The following RPGRIP1 variants were observed in gnomAD, a reference collection of about 807,000 sequenced individuals.
RPGRIP1 encodes X-linked retinitis pigmentosa GTPase regulator-interacting protein 1.
Under a neutral mutation model 157.9 loss-of-function variants are expected in RPGRIP1, and 128 were observed. The observed-to-expected ratio is 0.81, with a 90% CI of 0.70 to 0.94. RPGRIP1 has a LOEUF of 0.94. Among genes scored for constraint, RPGRIP1 ranks in the 40% least tolerant of loss-of-function variants. The pLI, the probability that RPGRIP1 is intolerant of heterozygous loss-of-function variation, is 0.00. For synonymous variants in RPGRIP1, 554 were observed against 571.6 expected (o/e 0.97, Z 0.44); for missense variants, 1,486 against 1,545.8 (o/e 0.96, Z 0.65).
intron 1 of RPGRIP1, among the ~76,000 whole-genome samples, chr14:21,282,167 T>G (rs1880155462): frequency 6.6e-6 from 1 of 152,212 alleles, no homozygotes; most frequent in Admixed American, 6.5e-5. Flanking sequence ...CATCTATCAC[T>G]AGTAAAGGGT....
intron 23 of RPGRIP1, among the ~76,000 whole-genome samples, chr14:21,345,561 C>T (rs1425843836): frequency 6.6e-6 from 1 of 151,832 alleles, no homozygotes; most frequent in Non-Finnish European, 1.5e-5. Flanking sequence ...TGCCACCATG[C>T]CTGGCTAATT....
At chr14:21,280,283 G>T (rs144496657) in intron 1 of RPGRIP1, among the ~76,000 whole-genome samples, 124 bp downstream of exon 1, 1 of 125,054 alleles carries the variant, frequency 8.0e-6, no homozygotes, top group African/African-American at 3.0e-5. Flanking sequence ...TTACTCTGTC[G>T]CCCAGGCTGG....
intron 23 of RPGRIP1, among the ~76,000 whole-genome samples, chr14:21,347,502 A>G (rs956078868): frequency 2.0e-5 from 3 of 152,150 alleles, no homozygotes; most frequent in African/African-American, 7.2e-5. Context: ...ATCCCTTTAA[A>G]GTAATTCCTT....
chr14:21,289,924 T>C (rs1345476839), intron 2 of RPGRIP1, among the ~76,000 whole-genome samples: 1 of 152,126 alleles, frequency 6.6e-6, no homozygotes, highest in Non-Finnish European at 1.5e-5. Flanking sequence ...TGGCGTGATC[T>C]CAGCTCACTG....
chr14:21,337,570 T>C (rs1260276101), intron 21 of RPGRIP1, among the ~76,000 whole-genome samples: 1 of 150,082 alleles, frequency 6.7e-6, no homozygotes, highest in Non-Finnish European at 1.5e-5. Flanking sequence ...GGCTCCCGAG[T>C]AGCTGGGACC....
intron 3 of RPGRIP1, among the ~76,000 whole-genome samples, chr14:21,300,115 G>A (rs182204937): frequency 1.5e-4 from 23 of 152,298 alleles, no homozygotes; most frequent in African/African-American, 4.8e-4. Flanking sequence ...GACCAACATG[G>A]AGAAACCCTG....
intron 2 of RPGRIP1, among the ~76,000 whole-genome samples, chr14:21,293,738 G>C (rs749069663): frequency 6.6e-6 from 1 of 152,174 alleles, no homozygotes; most frequent in Non-Finnish European, 1.5e-5. Context: ...AATTAGCCAG[G>C]TGTGGTGGCT....
Position 21,324,968 on chromosome 14 carries a change from C to G in RPGRIP1, c.2113C>G (p.Gln705Glu). 6.2e-7 allele frequency: 1 copy of G among 1,614,016 alleles called. No homozygotes were observed. Among genetic ancestry groups the G allele is most frequent in the Non-Finnish European group, 8.5e-7 (1 of 1,179,886 alleles). The change falls in exon 15 of 25, where the codon CAG becomes GAG. Residue 705 changes from glutamine (Q) to glutamate (E), a missense_variant. Gln to Glu is a conservative substitution (Grantham distance 29). Coordinates refer to ENST00000400017, the MANE Select transcript of RPGRIP1 (RefSeq NM_020366.4). ...GGCTTCAGCCCGGCTTGACATACAC[C>G]AGGCCATGGCCAGTGAACACAGCAC... ...QEASARLDIH[Q>E]AMASEHSTLA...
At chr14:21,341,601 G>A (rs1014724134) in intron 21 of RPGRIP1, among the ~76,000 whole-genome samples, 2 of 152,098 alleles carry the variant, frequency 1.3e-5, no homozygotes, top group East Asian at 1.9e-4. Context: ...CTGGTGTCAC[G>A]ATACTGACTT....
At chr14:21,343,968 C>T in intron 22 of RPGRIP1, among the ~76,000 whole-genome samples, 1 of 129,298 alleles carries the variant, frequency 7.7e-6, no homozygotes, top group East Asian at 2.6e-4. Context: ...AAATGATTCT[C>T]CTGCCTCAGC....
At chr14:21,334,930 C>T (rs1292581665) in intron 21 of RPGRIP1, among the ~76,000 whole-genome samples, 1 of 150,194 alleles carries the variant, frequency 6.7e-6, no homozygotes, top group Admixed American at 6.7e-5. Context: ...CTTGTAATCC[C>T]AGCTACTCAG....
chr14:21,339,050 CG>C (rs1218979520), intron 21 of RPGRIP1, among the ~76,000 whole-genome samples: 1 of 152,090 alleles, frequency 6.6e-6, no homozygotes, highest in African/African-American at 2.4e-5. Context: ...GCAGGAGAAT[CG>C]CTTGAGCCCA....
chr14:21,299,998 C>G (rs1880953920), intron 3 of RPGRIP1, among the ~76,000 whole-genome samples: 1 of 152,130 alleles, frequency 6.6e-6, no homozygotes, highest in African/African-American at 2.4e-5. Flanking sequence ...CTCATTTAAA[C>G]TTAATAACCT....
At chr14:21,283,004 C>T (rs1006384563) in intron 1 of RPGRIP1, among the ~76,000 whole-genome samples, 1 of 152,200 alleles carries the variant, frequency 6.6e-6, no homozygotes, top group African/African-American at 2.4e-5. Flanking sequence ...TCTTCTCTAG[C>T]ATTCCAATAA....
chr14:21,318,658 A>C (rs10145698), intron 11 of RPGRIP1, among the ~76,000 whole-genome samples: 3,978 of 151,596 alleles, frequency 0.026, 173 homozygotes, highest in African/African-American at 0.092. Context: ...TGTATATTTT[A>C]GTAGAGACGA....
chr14:21,301,159 C>T lies in RPGRIP1; in HGVS notation c.412C>T (p.Arg138Cys), dbSNP rs761513451. Reference sequence around the variant, plus strand: ...CTGCGTCGGCCCTGCCAGCCCCCGCCGCGCCCAGCCTCGCGTCCAAGTGGG... The same window carrying T: ...CTGCGTCGGCCCTGCCAGCCCCCGCTGCGCCCAGCCTCGCGTCCAAGTGGG... ...FHCVGPASPR[R>C]AQPRVQVGHR... The change falls in exon 4 of 25, where the codon CGC (arginine) becomes TGC (cysteine). Residue 138 changes from arginine (R) to cysteine (C), a missense_variant. Physicochemically the swap from Arg to Cys is radical, Grantham distance 180. Coordinates refer to ENST00000400017, the MANE Select transcript of RPGRIP1 (RefSeq NM_020366.4). 1.9e-6 allele frequency: 3 copies of T among 1,594,642 alleles called. No individual in the cohort carries two copies. The highest frequency in any genetic ancestry group is 4.6e-5 in the East Asian group (2 of 43,916).
intron 22 of RPGRIP1, among the ~76,000 whole-genome samples, chr14:21,344,135 G>T (rs543272123): frequency 6.6e-6 from 1 of 151,262 alleles, no homozygotes; most frequent in Admixed American, 6.6e-5. Context: ...CCTTCCCATC[G>T]TAATTGTATC....
intron 11 of RPGRIP1, 25 bp from the exon 12 acceptor site, chr14:21,319,992 A>C: frequency 6.3e-7 from 1 of 1,592,520 alleles, no homozygotes; most frequent in Non-Finnish European, 8.6e-7. Context: ...ACAGAATTTC[A>C]CATTTCTGGA....
At chr14:21,334,822 C>T (rs944145938) in intron 21 of RPGRIP1, 117 bp downstream of exon 21, 11 of 604,702 alleles carry the variant, frequency 1.8e-5, no homozygotes, top group African/African-American at 5.7e-5. Flanking sequence ...GCAGGCAGAT[C>T]ACCTAAGGTC....
Sources: allele counts gnomAD v4.1 joint callset (sites outside exome capture counted in the v4.1 genomes callset), GRCh38; gene constraint gnomAD v4.1.1; transcripts MANE v1.5; gene names NCBI Gene and HGNC (gene_info 2026-07-23, HGNC 2026-07-21).